The following UPF3A variants were observed in gnomAD, a reference collection of about 807,000 sequenced individuals.
UPF3A encodes regulator of nonsense transcripts 3A.
Under a neutral mutation model 53.5 loss-of-function variants are expected in UPF3A, and 42 were observed. The observed-to-expected ratio is 0.78, with a 90% CI of 0.61 to 1.01. The LOEUF (loss-of-function observed/expected upper bound fraction) is 1.01, where lower values mean the gene tolerates loss of function less well. Ranked by LOEUF, UPF3A falls within the 50% of genes least tolerant of loss-of-function variation. The probability of loss-of-function intolerance (pLI) is 0.00; values close to 1 mark genes in which losing one functional copy is unlikely to be tolerated. For synonymous variants in UPF3A, 237 were observed against 225.3 expected (o/e 1.05, Z -0.47); for missense variants, 575 against 598.0 (o/e 0.96, Z 0.40).
chr13:114,290,809 C>T (rs1049537661), intron 5 of UPF3A, among the ~76,000 whole-genome samples: 3 of 150,838 alleles, frequency 2.0e-5, no homozygotes, highest in Admixed American at 6.6e-5. Flanking sequence ...TCTCGGCTCA[C>T]TGCAACCTCC....
chr13:114,282,836 G>A lies in UPF3A; in HGVS notation c.315-1G>A. On this transcript the variant is annotated splice_acceptor_variant, in intron 2 of 9. Coordinates refer to ENST00000375299, the MANE Select transcript of UPF3A (RefSeq NM_023011.4). LOFTEE classifies it high-confidence loss of function. ...ATTTTCACTGTTATCTCTTATTTCA[G>A]TCTTTATCCTCATCTCTACTCAAGA... is the stretch of plus-strand genomic sequence containing the variant. 6.2e-7 allele frequency: 1 copy of A among 1,602,452 alleles called. No individual in the cohort carries two copies. The highest frequency in any genetic ancestry group is 8.5e-7 in the Non-Finnish European group (1 of 1,172,564).
intron 3 of UPF3A, chr13:114,283,660 C>A: frequency 1.7e-6 from 1 of 590,288 alleles, no homozygotes; most frequent in Non-Finnish European, 2.1e-6. Flanking sequence ...ATAATGTCAC[C>A]AGGAAGTCAC....
At chr13:114,300,730 G>A (rs1480783971) in intron 8 of UPF3A, among the ~76,000 whole-genome samples, 1 of 151,988 alleles carries the variant, frequency 6.6e-6, no homozygotes, top group Non-Finnish European at 1.5e-5. Flanking sequence ...GTAGAGACAG[G>A]GTTTCTCCAT....
chr13:114,291,708 A>T lies in UPF3A; in HGVS notation c.762A>T (p.Lys254Asn). The change falls in exon 7 of 10, where the codon AAA becomes AAT. Residue 254 changes from lysine to asparagine, a missense_variant. Transcript: ENST00000375299. Reference sequence around the variant, plus strand: ...AGAAACGTTTGCGGGAAGAGGAAAAAAGAAGAAGAAGAGAAGAAGAAAGAT... The same window carrying T: ...AGAAACGTTTGCGGGAAGAGGAAAATAGAAGAAGAAGAGAAGAAGAAAGAT... The part of the protein sequence containing the change: ...LEKKRLREEE[K>N]RRRREEERCK... 1.3e-6 allele frequency: 2 copies of T among 1,594,870 alleles called. No individual in the cohort carries two copies. Among genetic ancestry groups the T allele is most frequent in the Non-Finnish European group, 1.7e-6 (2 of 1,167,006 alleles).
intron 7 of UPF3A, among the ~76,000 whole-genome samples, chr13:114,293,218 T>C (rs1236566496): frequency 6.7e-6 from 1 of 150,198 alleles, no homozygotes; most frequent in Non-Finnish European, 1.5e-5. Context: ...ACCCCATCTC[T>C]ACTAAAAACA....
rs530915932 is a variant in UPF3A, at chr13:114,290,436, T to C, written c.632-1053T>C. Among the ~76,000 whole-genome samples the C allele has an allele frequency of 2.3e-3, 357 of 152,330 alleles. 3 individuals are homozygous for C. Among genetic ancestry groups the C allele is most frequent in the African/African-American group, 7.6e-3 (318 of 41,582 alleles). On this transcript the variant is annotated intron_variant, in intron 5 of 9. Transcript: ENST00000375299. ...TACATCCAGGGATTCTTCCCAGCCC[T>C]GTTTAGTCTGAGATCTTACAGACCC...
intron 3 of UPF3A, 91 bp downstream of exon 3, chr13:114,283,034 A>T (rs2084282367): frequency 9.7e-7 from 1 of 1,030,596 alleles, no homozygotes; most frequent in Non-Finnish European, 1.4e-6. Context: ...AATTATTATT[A>T]TTTTTTGAGA....
rs79933282 is a variant in UPF3A, at chr13:114,288,649, C to T, written c.631+2020C>T. On this transcript the variant is annotated intron_variant, in intron 5 of 9. Transcript: ENST00000375299. ...TGTCCCCGTCACTTTGGTGGTGTCA[C>T]ATGGGATAGACTGTGGATGCCAAGA... is the stretch of plus-strand genomic sequence containing the variant. 4.6e-5 allele frequency among the ~76,000 whole-genome samples: 7 copies of T among 152,004 alleles called. No homozygotes were observed. In the East Asian group the frequency reaches 5.8e-4, roughly 13 times the overall value.
At position 114,298,992 on chromosome 13, in the gene UPF3A, C is replaced by G. The variant is rs1339989806; in HGVS notation, c.999C>G (p.Pro333=). The G allele has an allele frequency of 6.3e-7, 1 of 1,596,838 alleles. No individual in the cohort carries two copies. The highest frequency in any genetic ancestry group is 8.5e-7 in the Non-Finnish European group (1 of 1,174,766). Residue 333 remains proline (P), a synonymous_variant, in exon 8 of 10, where the codon CCC becomes CCG. Coordinates refer to ENST00000375299, the MANE Select transcript of UPF3A (RefSeq NM_023011.4). The part of the protein sequence containing the change: ...ARPMEGSLEE[P]QETSHSGSDK... ...CCATGGAAGGCTCGCTGGAGGAGCC[C>G]CAGGAGACGTGAGCGTGCTTTCATT...
intron 7 of UPF3A, among the ~76,000 whole-genome samples, chr13:114,293,976 T>C (rs894530572): frequency 6.6e-6 from 1 of 151,902 alleles, no homozygotes; most frequent in Admixed American, 6.6e-5. Context: ...AGAGATGGGG[T>C]TCCCACTATA....
chr13:114,291,346 A>G, intron 5 of UPF3A, 143 bp from the exon 6 acceptor site: 1 of 755,538 alleles, frequency 1.3e-6, no homozygotes, highest in East Asian at 3.1e-5. Flanking sequence ...TAATGGAATA[A>G]AAACTCCCCT....
intron 7 of UPF3A, among the ~76,000 whole-genome samples, chr13:114,295,522 T>C (rs979068642): frequency 6.6e-6 from 1 of 152,212 alleles, no homozygotes; most frequent in African/African-American, 2.4e-5. Context: ...GATGTGCCCG[T>C]GGCTCCTTCT....
At chr13:114,304,703 T>C in intron 9 of UPF3A, 86 bp from the exon 10 acceptor site, 1 of 1,517,018 alleles carries the variant, frequency 6.6e-7, no homozygotes, top group Non-Finnish European at 8.9e-7. Flanking sequence ...ACAATTCATA[T>C]CATCAAGTTC....
rs1566756901 is a variant in UPF3A, at chr13:114,295,371, C to CCT, written c.847-3469_847-3468insCT. On this transcript the variant is annotated intron_variant, in intron 7 of 9. Coordinates refer to ENST00000375299, the MANE Select transcript of UPF3A (RefSeq NM_023011.4). Reference sequence around the variant, plus strand: ...CCCAGCTCGTCTCCAGCGGCTCTGGCGTGCTCCCCAGCTCGTCTCCAGCGG... The same window carrying CCT: ...CCCAGCTCGTCTCCAGCGGCTCTGGCCTGTGCTCCCCAGCTCGTCTCCAGCGG... Among the ~76,000 whole-genome samples, 268 of 132,844 alleles carry CCT rather than the reference C, an allele frequency of 2.0e-3. 1 individual carries two copies. The highest frequency in any genetic ancestry group is 4.5e-3 in the Middle Eastern group (1 of 224). 87.2% of individuals were successfully genotyped at this position (132,844 alleles called of 152,430 possible).
rs1190533703 is a variant in UPF3A, at chr13:114,302,163, A to C, written c.1302+138A>C. On this transcript the variant is annotated intron_variant, in intron 9 of 9. Coordinates refer to ENST00000375299, the MANE Select transcript of UPF3A (RefSeq NM_023011.4). ...GCATTTTCAAGAGCAGTTTTTCCTG[A>C]AAGTCAGATCCCAGAGTGAGACTAG... 4 of 761,428 alleles carry C rather than the reference A, an allele frequency of 5.3e-6. No homozygotes were observed. The African/African-American group carries it at 7.2e-5, about 14-fold the overall frequency. The allele number at this position is 761,428 out of a possible 1,614,324, so 47.2% of individuals were successfully genotyped here.
At chr13:114,289,044 G>T (rs1345810274) in intron 5 of UPF3A, among the ~76,000 whole-genome samples, 1 of 151,876 alleles carries the variant, frequency 6.6e-6, no homozygotes, top group African/African-American at 2.4e-5. Context: ...TGCCGGGGTG[G>T]GGAGAGGGGG....
chr13:114,294,869 T>A (rs1308790387), intron 7 of UPF3A, among the ~76,000 whole-genome samples: 4 of 146,650 alleles, frequency 2.7e-5, no homozygotes, highest in Admixed American at 1.4e-4. Context: ...TCCTGGCACT[T>A]TGGGAGGCCG....
intron 9 of UPF3A, among the ~76,000 whole-genome samples, chr13:114,302,854 C>T (rs1263533021): frequency 6.6e-6 from 1 of 152,162 alleles, no homozygotes; most frequent in Non-Finnish European, 1.5e-5. Flanking sequence ...ATAATCCCAG[C>T]ACTTTGGGAG....
chr13:114,286,447 C>G (rs754299794), intron 4 of UPF3A, 47 bp downstream of exon 4: 1 of 1,612,490 alleles, frequency 6.2e-7, no homozygotes, highest in South Asian at 1.1e-5. Flanking sequence ...AAATTAAGAA[C>G]ACTGAGCAAA....
Sources: gnomAD v4.1 joint callset for allele counts (sites outside exome capture counted in the v4.1 genomes callset) on GRCh38, gnomAD v4.1.1 for gene constraint, MANE v1.5 for transcripts, NCBI Gene and HGNC (gene_info 2026-07-23, HGNC 2026-07-21) for gene names.